TMEM63C: variants seen among roughly 807,000 people sequenced by gnomAD.
TMEM63C encodes the protein transmembrane protein 63C, also known as osmosensitive cation channel TMEM63C.
In TMEM63C, 32 loss-of-function variants were observed where a neutral mutation model predicts 99.2. That is an observed-to-expected ratio of 0.32 (90% CI 0.24 to 0.43). The LOEUF is 0.43. Ranked by LOEUF, TMEM63C falls within the 20% of genes least tolerant of loss-of-function variation. The pLI, the probability that TMEM63C is intolerant of heterozygous loss-of-function variation, is 1.00. For missense variants in TMEM63C, 826 were observed against 1,053.0 expected (o/e 0.78, Z 2.98); for synonymous variants, 376 against 397.9 (o/e 0.94, Z 0.66).
At chr14:77,241,000 G>A (rs1341630683) in intron 13 of TMEM63C, among the ~76,000 whole-genome samples, 1 of 146,986 alleles carries the variant, frequency 6.8e-6, no homozygotes, top group Non-Finnish European at 1.5e-5. Context: ...ACCCAGGCTG[G>A]AGTGCAATGG....
At position 77,243,005 on chromosome 14, in the gene TMEM63C, C is replaced by G; in HGVS notation, c.1290C>G (p.Ile430Met). The change falls in exon 15 of 24, where the codon ATC (isoleucine) becomes ATG (methionine). Residue 430 changes from isoleucine to methionine, a missense_variant. Physicochemically the swap from Ile to Met is conservative, Grantham distance 10. Coordinates refer to ENST00000298351, the MANE Select transcript of TMEM63C (RefSeq NM_020431.4). ...LFFFLTTPAI[I>M]MNTIDMYNVT... ...TCTTTCTCACCACGCCTGCCATCAT[C>G]ATGAACACTATCGACATGTACAACG... is the stretch of plus-strand genomic sequence containing the variant. 6.2e-7 allele frequency: 1 copy of G among 1,614,014 alleles called. No individual in the cohort carries two copies. Among genetic ancestry groups the G allele is most frequent in the Non-Finnish European group, 8.5e-7 (1 of 1,179,902 alleles).
intron 6 of TMEM63C, 64 bp downstream of exon 6, chr14:77,225,525 T>C: frequency 6.4e-7 from 1 of 1,573,128 alleles, no homozygotes; most frequent in Non-Finnish European, 8.7e-7. Flanking sequence ...TGGAGGCTCC[T>C]GGAAAAGTTA....
chr14:77,225,398 TCA>T (rs764449241), intron 5 of TMEM63C, 24 bp from the exon 6 acceptor site: 30 of 1,611,690 alleles, frequency 1.9e-5, no homozygotes, highest in Non-Finnish European at 2.4e-5. Context: ...CTGGGTTTTC[TCA>T]CAGTTTCTCT....
rs114634610 is a variant in TMEM63C at position 77,228,054 on chromosome 14, G to A, written c.350+2593G>A. ...GTGCATGCAGAGAGAGGAGGATGCC[G>A]AAGATGAGAGAGCAGAACAATGGAT... On this transcript the variant is annotated intron_variant, in intron 6 of 23. Transcript: ENST00000298351. Among the ~76,000 whole-genome samples, 275 of 152,262 alleles carry A rather than the reference G, an allele frequency of 1.8e-3. 1 individual carries two copies. Among genetic ancestry groups the A allele is most frequent in the African/African-American group, 6.2e-3 (256 of 41,548 alleles).
chr14:77,185,593 G>A (rs975206221), intron 1 of TMEM63C, among the ~76,000 whole-genome samples: 1 of 152,202 alleles, frequency 6.6e-6, no homozygotes, highest in Non-Finnish European at 1.5e-5. Flanking sequence ...TTTGGGTGTT[G>A]AGGACTCATT....
intron 13 of TMEM63C, among the ~76,000 whole-genome samples, chr14:77,241,995 T>C (rs1889184703): frequency 6.6e-6 from 1 of 152,242 alleles, no homozygotes; most frequent in Admixed American, 6.5e-5. Context: ...GCTATTGATA[T>C]TAAGATGAGG....
intron 1 of TMEM63C, among the ~76,000 whole-genome samples, chr14:77,211,168 A>T (rs1888491043): frequency 6.6e-6 from 1 of 152,186 alleles, no homozygotes; most frequent in South Asian, 2.1e-4. Flanking sequence ...GAGCAAGGTC[A>T]TCCCCTTCCT....
At chr14:77,249,530 C>T in intron 21 of TMEM63C, 72 bp downstream of exon 21, 1 of 1,536,460 alleles carries the variant, frequency 6.5e-7, no homozygotes, top group African/African-American at 1.4e-5. Flanking sequence ...TAACACTGAC[C>T]CTGTTAGAGG....
intron 14 of TMEM63C, 89 bp downstream of exon 14, chr14:77,242,558 G>A (rs1889196440): frequency 1.3e-6 from 2 of 1,513,958 alleles, no homozygotes; most frequent in African/African-American, 1.4e-5. Flanking sequence ...CCATGTCATT[G>A]CCCAACAGAG....
chr14:77,230,591 A>G (rs548642476), intron 6 of TMEM63C, among the ~76,000 whole-genome samples: 4 of 152,306 alleles, frequency 2.6e-5, no homozygotes, highest in East Asian at 1.9e-4. Flanking sequence ...CAGCGGCGGC[A>G]TGAGCTTCTC....
intron 1 of TMEM63C, among the ~76,000 whole-genome samples, chr14:77,194,334 ATATGTGTGTGTGTGTGTGTGTGTGTGTG>A (rs1482245300): frequency 1.1e-4 from 8 of 71,938 alleles, no homozygotes; most frequent in Admixed American, 3.3e-4. Flanking sequence ...AGATATATAT[ATATGTGTGTGTGTGTGTGTGTGTGTGTG>A]TGTGTGTGTG....
chr14:77,210,699 G>A (rs769512838), intron 1 of TMEM63C, among the ~76,000 whole-genome samples: 6 of 152,222 alleles, frequency 3.9e-5, no homozygotes, highest in Non-Finnish European at 7.3e-5. Context: ...AAGGAAGAAG[G>A]GGAGGTGGGA....
intron 1 of TMEM63C, among the ~76,000 whole-genome samples, chr14:77,183,751 G>A (rs922408485): frequency 6.6e-6 from 1 of 152,172 alleles, no homozygotes; most frequent in Admixed American, 6.5e-5. Context: ...CAGGAGCCTT[G>A]GGTTGCATGA....
At chr14:77,232,706 A>G (rs1888966356) in intron 7 of TMEM63C, among the ~76,000 whole-genome samples, 5 of 152,224 alleles carry the variant, frequency 3.3e-5, no homozygotes, top group Non-Finnish European at 7.3e-5. Flanking sequence ...TGATATACAT[A>G]GTAGGTGCTC....
rs1889130618 is a variant in TMEM63C, at chr14:77,239,713, C to G, written c.917C>G (p.Thr306Ser). 1.2e-6 allele frequency: 2 copies of G among 1,613,134 alleles called. No individual in the cohort carries two copies. The highest frequency in any genetic ancestry group is 1.7e-6 in the Non-Finnish European group (2 of 1,179,680). Residue 306 changes from threonine (T) to serine (S), a missense_variant, in exon 12 of 24, where the codon ACC (threonine) becomes AGC (serine). Transcript: ENST00000298351. ...CARLCFCKCW[T>S]CFKEVDAEQY... ...CGCCTGTGCTTCTGCAAGTGCTGGA[C>G]CTGCTTCAAGGAGGTAACTGGCTTG...
intron 1 of TMEM63C, among the ~76,000 whole-genome samples, chr14:77,190,066 T>C (rs1049302568): frequency 6.6e-6 from 1 of 152,096 alleles, no homozygotes; most frequent in African/African-American, 2.4e-5. Flanking sequence ...ATATACAAAA[T>C]TGAACATTAA....
Position 77,240,577 on chromosome 14 carries a change from G to A in TMEM63C, c.1033G>A (p.Val345Ile). ...VPLKRLDLIF[V>I]TFQDSRMAKR... is the part of the protein sequence containing the mutation. ...GCTCAAGCGGCTGGACCTGATCTTTGTCACCTTCCAGGACTCCAGGATGGC... is the reference window on the plus strand; with the variant it reads ...GCTCAAGCGGCTGGACCTGATCTTTATCACCTTCCAGGACTCCAGGATGGC... The change falls in exon 13 of 24, where the codon GTC becomes ATC. Residue 345 changes from valine (V) to isoleucine (I), a missense_variant. Coordinates refer to ENST00000298351, the MANE Select transcript of TMEM63C (RefSeq NM_020431.4). 6.2e-7 allele frequency: 1 copy of A among 1,611,128 alleles called. No individual in the cohort carries two copies. The highest frequency in any genetic ancestry group is 8.5e-7 in the Non-Finnish European group (1 of 1,179,854).
chr14:77,243,208 T>C lies in TMEM63C; in HGVS notation c.1341+152T>C, dbSNP rs528097463. Among the ~76,000 whole-genome samples, 167 of 151,502 alleles carry C rather than the reference T, an allele frequency of 1.1e-3. 2 individuals are homozygous for C. The highest frequency in any genetic ancestry group is 3.9e-3 in the African/African-American group (163 of 41,292). On this transcript the variant is annotated intron_variant, in intron 15 of 23. Transcript: ENST00000298351. ...GGTGGCCATGGTGCAAATGGCGGGG[T>C]AGGGCTTGCTTTGTTCTAAAGGGAT...
rs1889145734 is a variant in TMEM63C at position 77,240,365 on chromosome 14, T to C, written c.931-110T>C. 3 of 1,317,028 alleles carry C rather than the reference T, an allele frequency of 2.3e-6. No individual in the cohort carries two copies. The Admixed American group carries it at 8.2e-5, about 36-fold the overall frequency. 81.6% of individuals were successfully genotyped at this position (1,317,028 alleles called of 1,614,324 possible). A position where few individuals can be genotyped will look rare whatever the true frequency, so the allele number is the denominator to read the frequency against. On this transcript the variant is annotated intron_variant, in intron 12 of 23. Coordinates refer to ENST00000298351, the MANE Select transcript of TMEM63C (RefSeq NM_020431.4). Reference sequence around the variant, plus strand: ...AGCCAGGGTCCTGGGCTCCTTGAGGTGCTTCAAGGCCACCACAATCCAGGG... The same window carrying C: ...AGCCAGGGTCCTGGGCTCCTTGAGGCGCTTCAAGGCCACCACAATCCAGGG...
Sources: allele counts gnomAD v4.1 joint callset (sites outside exome capture counted in the v4.1 genomes callset), GRCh38; gene constraint gnomAD v4.1.1; transcripts MANE v1.5; gene names NCBI Gene and HGNC (gene_info 2026-07-23, HGNC 2026-07-21).